NEDD4L: variants seen among roughly 807,000 people sequenced by gnomAD.
The protein encoded by NEDD4L is NEDD4 like E3 ubiquitin protein ligase, also known as E3 ubiquitin-protein ligase NEDD4-like.
NEDD4L carries 54 observed loss-of-function variants against 148.9 expected under a neutral mutation model. The ratio of observed to expected loss-of-function variants is 0.36; its 90% CI spans 0.29 to 0.45. NEDD4L has a LOEUF of 0.45. NEDD4L is among the 20% of genes least tolerant of loss of function. NEDD4L has a pLI of 1.00. For synonymous variants in NEDD4L, 433 were observed against 440.7 expected, an observed-to-expected ratio of 0.98 and a Z score of 0.22; for missense variants, 856 against 1,233.8, an observed-to-expected ratio of 0.69 and a Z score of 4.59.
chr18:58,381,474 G>T (rs140045218), intron 24 of NEDD4L, among the ~76,000 whole-genome samples: 16 of 152,302 alleles, frequency 1.1e-4, no homozygotes, highest in African/African-American at 3.6e-4. Flanking sequence ...GATGAATGCT[G>T]GAAGGAGTGT....
In NEDD4L at chr18:58,149,237, A is replaced by T. The variant is rs949399500; in HGVS notation, c.49-16551A>T. The T allele has an allele frequency of 1.2e-5, 4 of 336,636 alleles. No homozygotes were observed. The South Asian group carries it at 2.5e-4, about 21-fold the overall frequency. 20.9% of individuals were successfully genotyped at this position (336,636 alleles called of 1,614,324 possible). On this transcript the variant is annotated intron_variant, in intron 1 of 30. Transcript: ENST00000400345. ...TCAGATTTCATTGCATTTCCTGAAG[A>T]GGTAACTTGGCAGTCCTGGGAGAGG...
rs138733970 is a variant in NEDD4L, at chr18:58,173,902, G to A, written c.122+8041G>A. On this transcript the variant is annotated intron_variant, in intron 2 of 30. Coordinates refer to ENST00000400345, the MANE Select transcript of NEDD4L (RefSeq NM_001144967.3). ...TGAGAATTCTGTATTGCATTTAATC[G>A]GTGGGTCTATTAAGACTCTCTTAAC... 3.7e-3 allele frequency among the ~76,000 whole-genome samples: 559 copies of A among 152,188 alleles called. 2 individuals are homozygous for A. The highest frequency in any genetic ancestry group is 0.011 in the African/African-American group (441 of 41,508).
At chr18:58,140,321 A>G (rs2146119554) in intron 1 of NEDD4L, among the ~76,000 whole-genome samples, 1 of 152,396 alleles carries the variant, frequency 6.6e-6, no homozygotes, top group Non-Finnish European at 1.5e-5. Flanking sequence ...TAAGCTTTAT[A>G]GAAGCCCTCT....
chr18:58,240,140 C>A (rs951894676), intron 2 of NEDD4L, among the ~76,000 whole-genome samples: 1 of 151,918 alleles, frequency 6.6e-6, no homozygotes, highest in Non-Finnish European at 1.5e-5. Flanking sequence ...CAATTCCTGG[C>A]ATGTCTCATA....
At chr18:58,169,716 C>A (rs1477719311) in intron 2 of NEDD4L, among the ~76,000 whole-genome samples, 1 of 152,230 alleles carries the variant, frequency 6.6e-6, no homozygotes, top group Admixed American at 6.5e-5. Context: ...TTTCTGCTGT[C>A]CCCTTTCCCA....
chr18:58,274,034 G>A (rs769167751), intron 5 of NEDD4L, among the ~76,000 whole-genome samples: 70 of 152,276 alleles, frequency 4.6e-4, no homozygotes, highest in Non-Finnish European at 2.1e-4. Context: ...TCAAAGGACC[G>A]GCAGCTTCCA....
intron 2 of NEDD4L, among the ~76,000 whole-genome samples, chr18:58,217,413 A>C (rs556134297): frequency 1.8e-4 from 28 of 152,284 alleles, no homozygotes; most frequent in African/African-American, 6.7e-4. Flanking sequence ...AATTCTTCTC[A>C]TTTGGTTACT....
At chr18:58,245,674 CTT>C (rs57282316) in intron 3 of NEDD4L, among the ~76,000 whole-genome samples, 166 bp downstream of exon 3, 1,224 of 89,128 alleles carry the variant, frequency 0.014, 5 homozygotes, top group African/African-American at 0.04. Flanking sequence ...CACTTTTTCT[CTT>C]TTTTTTTTTT....
At chr18:58,225,788 T>G (rs1328625447) in intron 2 of NEDD4L, among the ~76,000 whole-genome samples, 1 of 152,164 alleles carries the variant, frequency 6.6e-6, no homozygotes, top group Non-Finnish European at 1.5e-5. Flanking sequence ...TTCAGCCTGG[T>G]GGAGGAGACC....
At chr18:58,266,007 A>G (rs1247802935) in intron 5 of NEDD4L, among the ~76,000 whole-genome samples, 1 of 152,098 alleles carries the variant, frequency 6.6e-6, no homozygotes. Flanking sequence ...TGTAAGAAAA[A>G]TGCTAATCTG....
intron 6 of NEDD4L, 29 bp downstream of exon 6, chr18:58,316,061 G>A (rs898677760): frequency 8.2e-6 from 13 of 1,582,892 alleles, no homozygotes; most frequent in South Asian, 2.2e-5. Context: ...TTGATGCTTC[G>A]TGCTGGGGGC....
intron 5 of NEDD4L, among the ~76,000 whole-genome samples, chr18:58,300,881 T>C (rs2056370941): frequency 6.6e-6 from 1 of 152,184 alleles, no homozygotes. Context: ...TTACAGATTA[T>C]TAGAGAATTT....
chr18:58,357,149 T>C, intron 18 of NEDD4L, 45 bp from the exon 19 acceptor site: 1 of 1,519,508 alleles, frequency 6.6e-7, no homozygotes, highest in Non-Finnish European at 9.0e-7. Context: ...AGAATAGATT[T>C]GAACTAATGT....
At chr18:58,216,704 C>T (rs1259101937) in intron 2 of NEDD4L, among the ~76,000 whole-genome samples, 2 of 152,026 alleles carry the variant, frequency 1.3e-5, no homozygotes, top group Non-Finnish European at 2.9e-5. Flanking sequence ...AATCACTGCT[C>T]CTTTTAGGTC....
intron 6 of NEDD4L, among the ~76,000 whole-genome samples, chr18:58,319,517 T>C (rs532544087): frequency 3.9e-5 from 6 of 152,328 alleles, no homozygotes; most frequent in East Asian, 3.9e-4. Flanking sequence ...TTCTGAATGC[T>C]TTTACCCTGG....
At chr18:58,178,827 T>C (rs919188820) in intron 2 of NEDD4L, among the ~76,000 whole-genome samples, 6 of 152,242 alleles carry the variant, frequency 3.9e-5, no homozygotes, top group South Asian at 4.1e-4. Context: ...AAGAACTGAT[T>C]GATCATTGTT....
chr18:58,242,521 G>C (rs1456971678), intron 2 of NEDD4L, among the ~76,000 whole-genome samples: 2 of 151,780 alleles, frequency 1.3e-5, no homozygotes, highest in Non-Finnish European at 2.9e-5. Flanking sequence ...GTCTCACTCT[G>C]TCCGGGTCTC....
At chr18:58,142,021 T>C (rs9285377) in intron 1 of NEDD4L, among the ~76,000 whole-genome samples, 101,367 of 115,378 alleles carry the variant, frequency 0.88, 43,928 homozygotes, top group East Asian at 0.93. Context: ...CCGACCCCAC[T>C]GCCTTCCAAA....
intron 26 of NEDD4L, 51 bp from the exon 27 acceptor site, chr18:58,387,384 ATTTT>A: frequency 7.9e-7 from 1 of 1,260,866 alleles, no homozygotes; most frequent in Non-Finnish European, 1.0e-6. Flanking sequence ...TTCCTGTGAA[ATTTT>A]TTTTTTTTGA....
Sources: allele counts gnomAD v4.1 joint callset (sites outside exome capture counted in the v4.1 genomes callset), GRCh38; gene constraint gnomAD v4.1.1; transcripts MANE v1.5; gene names NCBI Gene and HGNC (gene_info 2026-07-23, HGNC 2026-07-21).